Variants in RANBP2 observed in about 807,000 individuals in gnomAD.
The protein encoded by RANBP2 is RAN binding protein 2.
Under a neutral mutation model 303.6 loss-of-function variants are expected in RANBP2, and 57 were observed. The observed-to-expected ratio is 0.19, with a 90% confidence interval of 0.15 to 0.23. The LOEUF (loss-of-function observed/expected upper bound fraction) is 0.23, where lower values mean the gene tolerates loss of function less well. RANBP2 is among the 10% of genes least tolerant of loss of function. The probability of loss-of-function intolerance (pLI) is 1.00; values close to 1 mark genes in which losing one functional copy is unlikely to be tolerated. For synonymous variants in RANBP2, 1,167 were observed against 1,301.5 expected, an observed-to-expected ratio of 0.90 and a Z score of 2.23; for missense variants, 3,138 against 3,780.8, an observed-to-expected ratio of 0.83 and a Z score of 4.46.
intron 24 of RANBP2, among the ~76,000 whole-genome samples, chr2:108,776,757 A>C (rs1461275281): frequency 6.6e-6 from 1 of 152,192 alleles, no homozygotes; most frequent in East Asian, 1.9e-4. Flanking sequence ...CAGAACACAA[A>C]AAGTTTTTAT....
chr2:109,045,919 T>C, the RANBP2 span, among the ~76,000 whole-genome samples: 1 of 152,060 alleles, frequency 6.6e-6, no homozygotes, highest in African/African-American at 2.4e-5. Context: ...GGTGTGGGGC[T>C]CTGGACAAGA....
chr2:108,978,462 C>T, the RANBP2 span, among the ~76,000 whole-genome samples: 1 of 152,140 alleles, frequency 6.6e-6, no homozygotes, highest in Non-Finnish European at 1.5e-5. Context: ...TTGTTAGACG[C>T]CTCAAGAGTT....
In RANBP2 at chr2:108,728,995, T is replaced by C. The variant is rs907631535; in HGVS notation, c.73-137T>C. On this transcript the variant is annotated intron_variant, in intron 1 of 28. Coordinates refer to ENST00000283195, the MANE Select transcript of RANBP2 (RefSeq NM_006267.5). Reference sequence around the variant, plus strand: ...TATAAAACATGGAATTATGCATTTGTCAGCCTTTAAAAAAACTTTTAAGTG... The same window carrying C: ...TATAAAACATGGAATTATGCATTTGCCAGCCTTTAAAAAAACTTTTAAGTG... The C allele has an allele frequency of 4.7e-6, 5 of 1,063,974 alleles. No homozygotes were observed. The African/African-American group carries it at 6.4e-5, about 14-fold the overall frequency. The allele number at this position is 1,063,974 out of a possible 1,614,324, so 65.9% of individuals were successfully genotyped here.
the RANBP2 span, among the ~76,000 whole-genome samples, chr2:109,139,859 T>C: frequency 6.6e-6 from 1 of 152,238 alleles, no homozygotes; most frequent in Non-Finnish European, 1.5e-5. Flanking sequence ...CAGTTTGACA[T>C]CTGGAGTCGT....
the RANBP2 span, among the ~76,000 whole-genome samples, chr2:109,317,275 CAA>C: frequency 7.2e-5 from 11 of 152,282 alleles, no homozygotes; most frequent in African/African-American, 2.6e-4. Context: ...CAGATAGCGT[CAA>C]GTCTTGCCCA....
chr2:109,082,168 C>G, the RANBP2 span, among the ~76,000 whole-genome samples: 1 of 152,248 alleles, frequency 6.6e-6, no homozygotes, highest in Admixed American at 6.5e-5. Context: ...GCATTTCTGT[C>G]TTTGGATAGT....
the RANBP2 span, chr2:109,615,077 C>G: frequency 1.3e-6 from 2 of 1,549,358 alleles, no homozygotes; most frequent in Admixed American, 2.0e-5. Flanking sequence ...TGGGGGCTAC[C>G]GCACAGAGGC....
the RANBP2 span, among the ~76,000 whole-genome samples, chr2:108,912,104 G>A: frequency 6.6e-6 from 1 of 152,166 alleles, no homozygotes; most frequent in Non-Finnish European, 1.5e-5. Flanking sequence ...GGGCTCTGGA[G>A]GGTACCTCAC....
At chr2:109,589,543 A>C in the RANBP2 span, among the ~76,000 whole-genome samples, 2 of 152,154 alleles carry the variant, frequency 1.3e-5, no homozygotes, top group African/African-American at 4.8e-5. Flanking sequence ...AAAATTAATA[A>C]AAATAAAAAT....
chr2:109,177,409 T>C, the RANBP2 span, among the ~76,000 whole-genome samples: 1 of 152,192 alleles, frequency 6.6e-6, no homozygotes, highest in African/African-American at 2.4e-5. Flanking sequence ...CATGAAATAG[T>C]CTGGGGCAGA....
At chr2:108,798,719 ACAC>A in the RANBP2 span, 1 of 533,972 alleles carries the variant, frequency 1.9e-6, no homozygotes, top group Non-Finnish European at 3.3e-6. Context: ...ACACACACAC[ACAC>A]ACACACACAC....
chr2:108,936,033 T>G, the RANBP2 span, among the ~76,000 whole-genome samples: 1 of 152,232 alleles, frequency 6.6e-6, no homozygotes, highest in African/African-American at 2.4e-5. Context: ...TCCTCCCTAC[T>G]GGTCACCACC....
At chr2:108,953,594 C>A in the RANBP2 span, among the ~76,000 whole-genome samples, 1 of 152,052 alleles carries the variant, frequency 6.6e-6, no homozygotes, top group African/African-American at 2.4e-5. Context: ...TTGTCCAGTT[C>A]TATAGTTGTT....
chr2:109,341,131 G>A, the RANBP2 span, among the ~76,000 whole-genome samples: 1 of 152,140 alleles, frequency 6.6e-6, no homozygotes, highest in Non-Finnish European at 1.5e-5. Context: ...GCAAATATGG[G>A]AAAGGAAGAA....
chr2:108,894,918 C>G, the RANBP2 span: 6 of 152,216 alleles, frequency 3.9e-5, no homozygotes, highest in Admixed American at 1.3e-4. Context: ...AGCCACCCCA[C>G]TCTTTCGCTG....
At chr2:109,190,357 A>G in the RANBP2 span, among the ~76,000 whole-genome samples, 14 of 152,256 alleles carry the variant, frequency 9.2e-5, no homozygotes, top group African/African-American at 3.4e-4. Context: ...TACTTGTAGT[A>G]GAGATGGGGT....
At chr2:109,578,265 GACA>G in the RANBP2 span, among the ~76,000 whole-genome samples, 1 of 152,226 alleles carries the variant, frequency 6.6e-6, no homozygotes, top group East Asian at 1.9e-4. Flanking sequence ...GTTTTAAAAG[GACA>G]ACAATATGCT....
At chr2:109,216,915 G>A in the RANBP2 span, among the ~76,000 whole-genome samples, 3 of 152,058 alleles carry the variant, frequency 2.0e-5, no homozygotes, top group East Asian at 1.9e-4. Context: ...TTCCCAAACC[G>A]AAATTCTGTC....
the RANBP2 span, among the ~76,000 whole-genome samples, chr2:109,555,566 A>G: frequency 1.3e-5 from 2 of 152,236 alleles, no homozygotes; most frequent in African/African-American, 4.8e-5. Context: ...TAAATGCAGA[A>G]TGTTAGCAAA....
Sources: allele counts gnomAD v4.1 joint callset (sites outside exome capture counted in the v4.1 genomes callset), GRCh38; gene constraint gnomAD v4.1.1; transcripts MANE v1.5; gene names NCBI Gene and HGNC (gene_info 2026-07-23, HGNC 2026-07-21).